Variants in ZNF385D observed in about 807,000 individuals in gnomAD.
The protein encoded by ZNF385D is zinc finger protein 659.
Under a neutral mutation model 35.8 loss-of-function variants are expected in ZNF385D, and 15 were observed. The observed-to-expected ratio is 0.42, with a 90% CI of 0.28 to 0.64. The LOEUF is 0.64. Among genes scored for constraint, ZNF385D ranks in the 30% least tolerant of loss-of-function variants. ZNF385D has a pLI of 0.23. For missense variants in ZNF385D, 474 were observed against 494.6 expected (o/e 0.96, Z 0.39); for synonymous variants, 212 against 186.8 (o/e 1.13, Z -1.10).
chr3:22,217,436 C>T (rs1576512210), intron 2 of ZNF385D, among the ~76,000 whole-genome samples: 2 of 152,162 alleles, frequency 1.3e-5, no homozygotes, highest in South Asian at 4.1e-4. Context: ...AACAAAATTC[C>T]AAGTACATTT....
At chr3:21,950,075 A>G (rs1159808630) in intron 3 of ZNF385D, among the ~76,000 whole-genome samples, 2 of 152,064 alleles carry the variant, frequency 1.3e-5, no homozygotes, top group African/African-American at 4.8e-5. Context: ...TATACCCAGT[A>G]ATGGGATTGT....
At chr3:21,506,532 T>C (rs1334713154) in intron 4 of ZNF385D, among the ~76,000 whole-genome samples, 1 of 152,174 alleles carries the variant, frequency 6.6e-6, no homozygotes, top group Admixed American at 6.6e-5. Flanking sequence ...TGTCATTTCA[T>C]AGAAGAACAA....
intron 3 of ZNF385D, among the ~76,000 whole-genome samples, chr3:22,152,746 T>C (rs1705320263): frequency 1.3e-5 from 2 of 152,304 alleles, no homozygotes; most frequent in East Asian, 1.9e-4. Context: ...TGATCACGTA[T>C]GTGGAGTTCC....
chr3:21,543,508 G>A (rs2062257480), intron 3 of ZNF385D, among the ~76,000 whole-genome samples: 1 of 152,134 alleles, frequency 6.6e-6, no homozygotes, highest in African/African-American at 2.4e-5. Context: ...ATGGCCTAAG[G>A]GTCCCGCACA....
At chr3:21,912,847 T>C (rs775297625) in intron 3 of ZNF385D, among the ~76,000 whole-genome samples, 8 of 152,068 alleles carry the variant, frequency 5.3e-5, no homozygotes, top group Non-Finnish European at 1.0e-4. Context: ...GAACAGTTCT[T>C]CTCTGAACAG....
Position 21,819,691 on chromosome 3 carries a change from C to T in ZNF385D, c.326-154663G>A, listed in dbSNP as rs183681376. ...AATTATATATAATTATCTATGTGTACGTGTGTATATATATACACGTATATA... is the reference window on the plus strand; with the variant it reads ...AATTATATATAATTATCTATGTGTATGTGTGTATATATATACACGTATATA... On this transcript the variant is annotated intron_variant, in intron 3 of 5. Coordinates refer to the ZNF385D transcript ENST00000494108. 2.7e-3 allele frequency among the ~76,000 whole-genome samples: 389 copies of T among 142,364 alleles called. 7 individuals carry two copies. Among genetic ancestry groups the T allele is most frequent in the African/African-American group, 9.1e-3 (354 of 38,934 alleles). The allele number at this position is 142,364 out of a possible 152,430, so 93.4% of individuals were successfully genotyped here.
At chr3:21,443,384 C>G (rs1701964736) in intron 4 of ZNF385D, 9 of 982,472 alleles carry the variant, frequency 9.2e-6, no homozygotes, top group Non-Finnish European at 9.7e-6. Context: ...GGCATATAGT[C>G]TCCATTTGTA....
intron 3 of ZNF385D, among the ~76,000 whole-genome samples, chr3:21,512,835 C>T (rs1707310147): frequency 6.6e-6 from 1 of 152,138 alleles, no homozygotes; most frequent in South Asian, 2.1e-4. Context: ...TCGGCCATAA[C>T]ATTTGAGAAC....
At chr3:22,249,987 T>C (rs1318468758) in intron 2 of ZNF385D, among the ~76,000 whole-genome samples, 1 of 152,158 alleles carries the variant, frequency 6.6e-6, no homozygotes, top group Non-Finnish European at 1.5e-5. Flanking sequence ...CCAAAGCAAC[T>C]ATACAATGTG....
rs1292815837 is a variant in ZNF385D, at chr3:21,620,530, A to G, written c.165+44356T>C. On this transcript the variant is annotated intron_variant, in intron 2 of 7. Coordinates refer to ENST00000281523, the MANE Select transcript of ZNF385D (RefSeq NM_024697.3). The stretch of plus-strand genomic sequence containing the variant: ...TATCCTTCAATGCAGACTGGGATTC[A>G]TACTACCCATATGCCAGGGCATTTT... Among the ~76,000 whole-genome samples, 8 of 152,276 alleles carry G rather than the reference A, an allele frequency of 5.3e-5. No individual in the cohort carries two copies. In the South Asian group the frequency reaches 6.2e-4, roughly 12 times the overall value.
chr3:22,298,470 A>G (rs536662930), intron 2 of ZNF385D, among the ~76,000 whole-genome samples: 16 of 65,398 alleles, frequency 2.4e-4, no homozygotes, highest in African/African-American at 7.4e-4. Context: ...ATATATAAAT[A>G]TACATAAAAC....
Position 21,694,042 on chromosome 3 carries a change from C to CTT in ZNF385D, c.23-29016_23-29015dup, listed in dbSNP as rs35586361. ...TACAGGCGCGTGCCACTACGCCTGGCTTTTTTTTTTTTTTTTTTTGAGACA... is the reference window on the plus strand; with the variant it reads ...TACAGGCGCGTGCCACTACGCCTGGCTTTTTTTTTTTTTTTTTTTTTGAGACA... On this transcript the variant is annotated intron_variant, in intron 1 of 7. Coordinates refer to ENST00000281523, the MANE Select transcript of ZNF385D (RefSeq NM_024697.3). Among the ~76,000 whole-genome samples the CTT allele has an allele frequency of 6.7e-3, 149 of 22,166 alleles. 31 individuals carry two copies. Among genetic ancestry groups the CTT allele is most frequent in the African/African-American group, 0.011 (52 of 4,754 alleles). 14.5% of individuals were successfully genotyped at this position (22,166 alleles called of 152,430 possible).
At chr3:22,313,002 CA>C (rs951174676) in intron 2 of ZNF385D, among the ~76,000 whole-genome samples, 1 of 151,124 alleles carries the variant, frequency 6.6e-6, no homozygotes, top group African/African-American at 2.4e-5. Flanking sequence ...GGAACCAACC[CA>C]AATGTCCAAC....
At chr3:22,323,012 T>G (rs1694513060) in intron 2 of ZNF385D, among the ~76,000 whole-genome samples, 1 of 152,190 alleles carries the variant, frequency 6.6e-6, no homozygotes, top group Non-Finnish European at 1.5e-5. Context: ...TAGGTAACCG[T>G]ACTCCTGAAA....
At chr3:22,077,940 T>C (rs147730132) in intron 3 of ZNF385D, among the ~76,000 whole-genome samples, 1 of 151,972 alleles carries the variant, frequency 6.6e-6, no homozygotes, top group East Asian at 1.9e-4. Context: ...CTGTGGAGTA[T>C]CTGCACTGAT....
At chr3:21,996,245 C>A (rs1191051564) in intron 3 of ZNF385D, among the ~76,000 whole-genome samples, 1 of 152,178 alleles carries the variant, frequency 6.6e-6, no homozygotes, top group African/African-American at 2.4e-5. Context: ...CATCAAGGGA[C>A]TCTTCCATGG....
intron 2 of ZNF385D, chr3:21,579,575 T>G (rs1224668078): frequency 6.6e-6 from 1 of 152,178 alleles, no homozygotes; most frequent in Admixed American, 6.5e-5. Flanking sequence ...AATGAGAAAG[T>G]CCTATATTGG....
intron 3 of ZNF385D, among the ~76,000 whole-genome samples, chr3:22,115,082 G>T (rs957131163): frequency 2.6e-5 from 4 of 152,064 alleles, no homozygotes; most frequent in African/African-American, 9.7e-5. Context: ...CTAAGACAGG[G>T]TGTCAACTCA....
chr3:21,894,036 T>C (rs949580612), intron 3 of ZNF385D, among the ~76,000 whole-genome samples: 1 of 152,182 alleles, frequency 6.6e-6, no homozygotes, highest in Non-Finnish European at 1.5e-5. Flanking sequence ...AATGATAGAA[T>C]ACTTGTTTCT....
Sources: allele counts gnomAD v4.1 joint callset (sites outside exome capture counted in the v4.1 genomes callset), GRCh38; gene constraint gnomAD v4.1.1; transcripts MANE v1.5; gene names NCBI Gene and HGNC (gene_info 2026-07-23, HGNC 2026-07-21).